KCND3: variants seen among roughly 807,000 people sequenced by gnomAD.
KCND3 encodes potassium voltage-gated channel subfamily D member 3.
Under a neutral mutation model 51.1 loss-of-function variants are expected in KCND3, and 9 were observed. The observed-to-expected ratio is 0.18, with a 90% CI of 0.11 to 0.31. The LOEUF (loss-of-function observed/expected upper bound fraction) is 0.31, where lower values mean the gene tolerates loss of function less well. Among genes scored for constraint, KCND3 ranks in the 10% least tolerant of loss-of-function variants. The pLI, the probability that KCND3 is intolerant of heterozygous loss-of-function variation, is 1.00. For synonymous variants in KCND3, 349 were observed against 368.0 expected, an observed-to-expected ratio of 0.95 and a Z score of 0.59; for missense variants, 526 against 903.8, an observed-to-expected ratio of 0.58 and a Z score of 5.36.
intron 2 of KCND3, chr1:111,910,650 C>G (rs1670896467): frequency 6.6e-6 from 1 of 152,374 alleles, no homozygotes; most frequent in African/African-American, 2.4e-5. Flanking sequence ...CACACCCTAG[C>G]CAGGCACAGA....
chr1:111,904,071 T>C (rs914103043), intron 2 of KCND3, among the ~76,000 whole-genome samples: 12 of 148,752 alleles, frequency 8.1e-5, no homozygotes, highest in African/African-American at 2.7e-4. Context: ...ATCCCTTTCA[T>C]GTCTTTTTGG....
At chr1:111,806,585 C>T (rs1229124288) in intron 2 of KCND3, among the ~76,000 whole-genome samples, 1 of 152,118 alleles carries the variant, frequency 6.6e-6, no homozygotes, top group Non-Finnish European at 1.5e-5. Flanking sequence ...TATCCACTTC[C>T]AGTAATGTAA....
intron 2 of KCND3, among the ~76,000 whole-genome samples, chr1:111,823,037 G>A (rs753397732): frequency 6.6e-5 from 10 of 152,192 alleles, no homozygotes; most frequent in Non-Finnish European, 1.2e-4. Flanking sequence ...CCAGACAGAC[G>A]GCGGGGGACC....
At chr1:111,817,718 G>C (rs1441650009) in intron 2 of KCND3, among the ~76,000 whole-genome samples, 1 of 152,152 alleles carries the variant, frequency 6.6e-6, no homozygotes, top group Non-Finnish European at 1.5e-5. Context: ...TATGGAAAAA[G>C]TTGGGAGCAG....
intron 2 of KCND3, among the ~76,000 whole-genome samples, chr1:111,951,949 G>A (rs547186715): frequency 7.2e-5 from 11 of 152,324 alleles, no homozygotes; most frequent in African/African-American, 2.6e-4. Context: ...GGATTTGGTA[G>A]GAGAAGAGAA....
At chr1:111,856,756 G>A in intron 2 of KCND3, 1 of 152,610 alleles carries the variant, frequency 6.6e-6, no homozygotes, top group African/African-American at 2.4e-5. Flanking sequence ...GTCAAGGTGT[G>A]CAAAGGAGCT....
At chr1:111,822,514 A>G (rs1666396213) in intron 2 of KCND3, among the ~76,000 whole-genome samples, 1 of 152,206 alleles carries the variant, frequency 6.6e-6, no homozygotes, top group Non-Finnish European at 1.5e-5. Context: ...TTCAAGGTTC[A>G]TCTATGTTGT....
intron 2 of KCND3, among the ~76,000 whole-genome samples, chr1:111,978,774 G>A (rs1220133475): frequency 6.6e-6 from 1 of 152,186 alleles, no homozygotes; most frequent in African/African-American, 2.4e-5. Flanking sequence ...AGGACAAGTA[G>A]GTCTAGAAGG....
chr1:111,825,554 A>C (rs984667869), intron 2 of KCND3, among the ~76,000 whole-genome samples: 3 of 152,200 alleles, frequency 2.0e-5, no homozygotes, highest in Non-Finnish European at 4.4e-5. Flanking sequence ...CCAGTATTAC[A>C]ATAAAGTTTA....
chr1:111,786,808 G>T, intron 3 of KCND3, 136 bp downstream of exon 3: 1 of 1,009,046 alleles, frequency 9.9e-7, no homozygotes, highest in Non-Finnish European at 1.5e-6. Context: ...AGCAGGAAGG[G>T]ACTGAAGCTA....
intron 2 of KCND3, among the ~76,000 whole-genome samples, chr1:111,797,761 G>A (rs1377736282): frequency 2.0e-5 from 3 of 152,200 alleles, no homozygotes; most frequent in African/African-American, 7.2e-5. Flanking sequence ...GGTGGGAGAT[G>A]AGGCTGGAGG....
At chr1:111,793,432 C>T (rs1358647492) in intron 2 of KCND3, among the ~76,000 whole-genome samples, 1 of 150,470 alleles carries the variant, frequency 6.6e-6, no homozygotes, top group Non-Finnish European at 1.5e-5. Flanking sequence ...CCGCCTCAGC[C>T]TCCCAAAGTG....
In KCND3 at chr1:111,772,484, T is replaced by C. The variant is rs1296482618; in HGVS notation, c.*3593A>G. 6.6e-6 allele frequency: 1 copy of C among 152,244 alleles called. No homozygotes were observed. The highest frequency in any genetic ancestry group is 1.5e-5 in the Non-Finnish European group (1 of 68,046). The allele number at this position is 152,244 out of a possible 1,614,324, so 9.4% of individuals were successfully genotyped here. On this transcript the variant is annotated 3_prime_UTR_variant, in exon 8 of 8. Transcript: ENST00000302127. ...TCCAATTACAGTATGGATTCTTTGA[T>C]GGATCTTCTCCAAAGCATCACTGCT...
chr1:111,842,603 A>G (rs968076861), intron 2 of KCND3, among the ~76,000 whole-genome samples: 4 of 152,222 alleles, frequency 2.6e-5, no homozygotes, highest in Non-Finnish European at 5.9e-5. Context: ...CTGGACAGTG[A>G]CCAACGGGAG....
At chr1:111,934,695 G>A (rs1288375243) in intron 2 of KCND3, among the ~76,000 whole-genome samples, 7 of 152,210 alleles carry the variant, frequency 4.6e-5, no homozygotes, top group Non-Finnish European at 7.3e-5. Context: ...TCTGGGTGTG[G>A]ACAGTGCAGG....
chr1:111,867,715 G>T (rs769771641), intron 2 of KCND3, among the ~76,000 whole-genome samples: 1 of 152,218 alleles, frequency 6.6e-6, no homozygotes, highest in African/African-American at 2.4e-5. Flanking sequence ...AAACTCTACA[G>T]ATTTTCCAAG....
chr1:111,771,013 T>G lies in KCND3; in HGVS notation c.*5064A>C, dbSNP rs1410516624. The G allele has an allele frequency of 6.6e-6, 1 of 152,092 alleles. No homozygotes were observed. Among genetic ancestry groups the G allele is most frequent in the African/African-American group, 2.4e-5 (1 of 41,404 alleles). 9.4% of individuals were successfully genotyped at this position (152,092 alleles called of 1,614,324 possible). A position where few individuals can be genotyped will look rare whatever the true frequency, so the allele number is the denominator to read the frequency against. On this transcript the variant is annotated 3_prime_UTR_variant, in exon 8 of 8. Transcript: ENST00000302127. ...AAAACATTACATTGGAATGTCTGATTATCAAAAATATACCATCCCTCCCAC... is the reference window on the plus strand; with the variant it reads ...AAAACATTACATTGGAATGTCTGATGATCAAAAATATACCATCCCTCCCAC...
At chr1:111,791,948 C>T (rs1386917316) in intron 2 of KCND3, among the ~76,000 whole-genome samples, 1 of 152,188 alleles carries the variant, frequency 6.6e-6, no homozygotes, top group Non-Finnish European at 1.5e-5. Context: ...CCATCCTTGG[C>T]TGGATTGATG....
chr1:111,835,202 G>A (rs1329757457), intron 2 of KCND3, among the ~76,000 whole-genome samples: 1 of 152,234 alleles, frequency 6.6e-6, no homozygotes, highest in Non-Finnish European at 1.5e-5. Flanking sequence ...TCAGATCTTT[G>A]TGCTGGCCCC....
Sources: gnomAD v4.1 joint callset for allele counts (sites outside exome capture counted in the v4.1 genomes callset) on GRCh38, gnomAD v4.1.1 for gene constraint, MANE v1.5 for transcripts, NCBI Gene and HGNC (gene_info 2026-07-23, HGNC 2026-07-21) for gene names.